The following GAREM1 variants were observed in gnomAD, a reference collection of about 807,000 sequenced individuals.
The protein encoded by GAREM1 is GRB2 associated regulator of MAPK1 subtype 1, also known as GRB2-associated and regulator of MAPK protein 1.
GAREM1 carries 26 observed loss-of-function variants against 71.3 expected under a neutral mutation model. That is an observed-to-expected ratio of 0.36 (90% CI 0.27 to 0.51). The LOEUF is 0.51. GAREM1 is among the 20% of genes least tolerant of loss of function. The pLI, the probability that GAREM1 is intolerant of heterozygous loss-of-function variation, is 0.95. For missense variants in GAREM1, 1,026 were observed against 1,103.1 expected (o/e 0.93, Z 0.99); for synonymous variants, 440 against 433.2 (o/e 1.02, Z -0.20).
intron 1 of GAREM1, among the ~76,000 whole-genome samples, chr18:32,404,262 TA>T (rs901244498): frequency 1.3e-5 from 2 of 152,186 alleles, no homozygotes; most frequent in Non-Finnish European, 2.9e-5. Flanking sequence ...AAATCTCTAT[TA>T]AATGCTTTTT....
At chr18:32,336,177 T>C (rs1468165440) in intron 2 of GAREM1, among the ~76,000 whole-genome samples, 1 of 152,138 alleles carries the variant, frequency 6.6e-6, no homozygotes, top group Non-Finnish European at 1.5e-5. Flanking sequence ...ACACCTGTAA[T>C]CCTAGCACTT....
chr18:32,444,129 T>C (rs921883809), intron 1 of GAREM1, among the ~76,000 whole-genome samples: 2 of 151,974 alleles, frequency 1.3e-5, no homozygotes, highest in African/African-American at 4.8e-5. Flanking sequence ...AGGAATGAGG[T>C]GACTGCAAAT....
At chr18:32,457,206 GGAGAGA>G (rs143878009) in intron 1 of GAREM1, among the ~76,000 whole-genome samples, 34 of 101,772 alleles carry the variant, frequency 3.3e-4, no homozygotes, top group African/African-American at 1.0e-3. Flanking sequence ...GTGTAGGGGG[GGAGAGA>G]GAGAGAGAGA....
intron 4 of GAREM1, among the ~76,000 whole-genome samples, chr18:32,277,986 G>C (rs2144436387): frequency 6.6e-6 from 1 of 152,272 alleles, no homozygotes; most frequent in East Asian, 1.9e-4. Context: ...AGGGGTTTAT[G>C]AAACAATATG....
chr18:32,440,622 T>C (rs116878009), intron 1 of GAREM1, among the ~76,000 whole-genome samples: 2 of 152,364 alleles, frequency 1.3e-5, no homozygotes, highest in East Asian at 1.9e-4. Context: ...CCTACAATCA[T>C]TGCTGAGCAG....
intron 1 of GAREM1, among the ~76,000 whole-genome samples, chr18:32,450,261 A>G (rs1480173559): frequency 6.6e-6 from 1 of 152,188 alleles, no homozygotes; most frequent in Non-Finnish European, 1.5e-5. Flanking sequence ...CTGGATTAGA[A>G]AATTGGCTGA....
chr18:32,374,312 G>C (rs1246659706), intron 2 of GAREM1, among the ~76,000 whole-genome samples: 1 of 152,192 alleles, frequency 6.6e-6, no homozygotes, highest in Non-Finnish European at 1.5e-5. Flanking sequence ...ACAATAATTA[G>C]AGTGCTTCCT....
At chr18:32,272,522 A>T (rs2144421109) in intron 4 of GAREM1, among the ~76,000 whole-genome samples, 2 of 152,316 alleles carry the variant, frequency 1.3e-5, no homozygotes, top group South Asian at 4.1e-4. Context: ...AAGGTGGTGG[A>T]TGACTGCAGA....
Position 32,288,170 on chromosome 18 carries a change from C to T in GAREM1, c.427G>A (p.Val143Ile). ...CCAGTACACAGGGTGATGTTGTAAA[C>T]TTCAGTGTCTTCATTGCATTCACCT... ...ASGECNEDTE[V>I]YNITLCTGDE... The change falls in exon 4 of 6, where the codon GTT (valine) becomes ATT (isoleucine). Residue 143 changes from valine (V) to isoleucine (I), a missense_variant. Physicochemically the swap from Val to Ile is conservative, Grantham distance 29. Coordinates refer to ENST00000269209, the MANE Select transcript of GAREM1 (RefSeq NM_001242409.2). 6.2e-7 allele frequency: 1 copy of T among 1,610,894 alleles called. No homozygotes were observed. The highest frequency in any genetic ancestry group is 1.1e-5 in the South Asian group (1 of 90,562).
intron 2 of GAREM1, among the ~76,000 whole-genome samples, chr18:32,323,912 G>C (rs181901441): frequency 8.9e-4 from 135 of 152,036 alleles, no homozygotes; most frequent in Non-Finnish European, 1.6e-3. Flanking sequence ...AAGGTGAATA[G>C]AAAATATAAA....
intron 2 of GAREM1, among the ~76,000 whole-genome samples, chr18:32,349,879 T>G (rs935939706): frequency 6.6e-6 from 1 of 152,186 alleles, no homozygotes; most frequent in Non-Finnish European, 1.5e-5. Flanking sequence ...TTCAGTGAGC[T>G]CTAAAAGGAC....
intron 2 of GAREM1, among the ~76,000 whole-genome samples, chr18:32,344,227 A>G (rs1192939015): frequency 6.6e-6 from 1 of 152,174 alleles, no homozygotes; most frequent in Non-Finnish European, 1.5e-5. Context: ...TTTTGGACCC[A>G]GATACTCAAC....
chr18:32,453,405 T>G (rs1325197296), intron 1 of GAREM1, among the ~76,000 whole-genome samples: 1 of 152,100 alleles, frequency 6.6e-6, no homozygotes, highest in East Asian at 1.9e-4. Flanking sequence ...GAAAATTTAT[T>G]CTGTCACAGC....
At chr18:32,306,117 G>T (rs762520880) in intron 3 of GAREM1, among the ~76,000 whole-genome samples, 1 of 152,104 alleles carries the variant, frequency 6.6e-6, no homozygotes, top group Non-Finnish European at 1.5e-5. Context: ...TCCTATCAAG[G>T]CCACTCATGA....
intron 1 of GAREM1, among the ~76,000 whole-genome samples, chr18:32,433,933 G>A (rs2048649992): frequency 6.6e-6 from 1 of 152,062 alleles, no homozygotes; most frequent in Non-Finnish European, 1.5e-5. Context: ...CAGAAAAACT[G>A]ATTCTAATAT....
chr18:32,340,080 G>A (rs2047633940), intron 2 of GAREM1, among the ~76,000 whole-genome samples: 1 of 152,198 alleles, frequency 6.6e-6, no homozygotes, highest in Non-Finnish European at 1.5e-5. Context: ...CTGTTCTCCA[G>A]TGGCACTTCT....
intron 2 of GAREM1, among the ~76,000 whole-genome samples, chr18:32,333,565 T>A (rs772604328): frequency 6.6e-6 from 1 of 152,158 alleles, no homozygotes; most frequent in Non-Finnish European, 1.5e-5. Context: ...CAGGAGTTCT[T>A]GAGTAGTTTG....
chr18:32,294,141 T>C (rs904090262), intron 3 of GAREM1, among the ~76,000 whole-genome samples: 5 of 152,208 alleles, frequency 3.3e-5, no homozygotes, highest in African/African-American at 1.2e-4. Context: ...AGTATCGTTA[T>C]CACTGCTAAT....
intron 4 of GAREM1, among the ~76,000 whole-genome samples, chr18:32,275,764 C>T (rs989019183): frequency 1.3e-5 from 2 of 152,164 alleles, no homozygotes; most frequent in Non-Finnish European, 2.9e-5. Flanking sequence ...CCGCAACCTC[C>T]GCCTCCCAGG....
Sources: allele counts gnomAD v4.1 joint callset (sites outside exome capture counted in the v4.1 genomes callset), GRCh38; gene constraint gnomAD v4.1.1; transcripts MANE v1.5; gene names NCBI Gene and HGNC (gene_info 2026-07-23, HGNC 2026-07-21).